GUSB: variants seen among roughly 807,000 people sequenced by gnomAD.
GUSB encodes the protein beta-glucuronidase.
Under a neutral mutation model 74.6 loss-of-function variants are expected in GUSB, and 51 were observed. That is an observed-to-expected ratio of 0.68 (90% CI 0.55 to 0.86). The LOEUF (loss-of-function observed/expected upper bound fraction) is 0.86, where lower values mean the gene tolerates loss of function less well. GUSB is among the 40% of genes least tolerant of loss of function. The pLI, the probability that GUSB is intolerant of heterozygous loss-of-function variation, is 0.00. For missense variants in GUSB, 736 were observed against 853.7 expected (o/e 0.86, Z 1.72); for synonymous variants, 360 against 348.3 (o/e 1.03, Z -0.37).
intron 4 of GUSB, among the ~76,000 whole-genome samples, chr7:65,976,868 G>A (rs1421906769): frequency 6.6e-6 from 1 of 151,954 alleles, no homozygotes; most frequent in Non-Finnish European, 1.5e-5. Context: ...CTTGAGCCAG[G>A]AGTTCGGGGC....
At chr7:65,966,400 G>A (rs544320049) in intron 10 of GUSB, among the ~76,000 whole-genome samples, 56 of 152,056 alleles carry the variant, frequency 3.7e-4, no homozygotes, top group Admixed American at 1.2e-3. Context: ...TGGGAATGAG[G>A]GGCTGGATGG....
In GUSB at chr7:65,975,024, G is replaced by A. The variant is rs1338584824; in HGVS notation, c.960C>T (p.Tyr320=). 12 of 1,613,356 alleles carry A rather than the reference G, an allele frequency of 7.4e-6. No individual in the cohort carries two copies. The highest frequency in any genetic ancestry group is 9.3e-6 in the Non-Finnish European group (11 of 1,179,440). Residue 320 remains tyrosine (Y), a synonymous_variant, in exon 6 of 12, where the codon TAC becomes TAT. Transcript: ENST00000304895. The part of the protein sequence containing the change: ...QTSLGPVSDF[Y]TLPVGIRTVA... ...CAGTGCGGATCCCCACAGGGAGTGT[G>A]TAGAAGTCAGACACAGGCCCCAGTG...
At chr7:65,964,156 A>C (rs1385374179) in intron 11 of GUSB, 167 bp downstream of exon 11, 3 of 734,158 alleles carry the variant, frequency 4.1e-6, no homozygotes, top group Non-Finnish European at 7.4e-6. Flanking sequence ...CTACTTCCTA[A>C]ACACAACTTA....
At chr7:65,966,443 A>G (rs1031074219) in intron 10 of GUSB, among the ~76,000 whole-genome samples, 1 of 152,042 alleles carries the variant, frequency 6.6e-6, no homozygotes, top group African/African-American at 2.4e-5. Context: ...AAAAAACCTC[A>G]CAAGACAAAC....
At chr7:65,981,950 C>A (rs1243018505) in intron 1 of GUSB, 24 bp downstream of exon 1, 8 of 1,591,656 alleles carry the variant, frequency 5.0e-6, no homozygotes, top group Non-Finnish European at 6.0e-6. Flanking sequence ...TCGGGCGCCT[C>A]CCGGCCCTGC....
chr7:65,963,926 T>C (rs1352526365), intron 11 of GUSB, among the ~76,000 whole-genome samples: 2 of 152,226 alleles, frequency 1.3e-5, no homozygotes, highest in Admixed American at 6.5e-5. Context: ...GCAAGTAATA[T>C]ACAACAGACT....
chr7:65,980,875 C>T (rs1306385706), intron 1 of GUSB: 6 of 231,588 alleles, frequency 2.6e-5, no homozygotes, highest in East Asian at 1.0e-4. Context: ...AGGCAAAAGC[C>T]GCCCAGACCT....
At chr7:65,978,635 G>A (rs1235978830) in intron 4 of GUSB, among the ~76,000 whole-genome samples, 2 of 151,054 alleles carry the variant, frequency 1.3e-5, no homozygotes, top group African/African-American at 4.9e-5. Context: ...AGCCGGGCGT[G>A]GTGGCGGGTG....
At chr7:65,962,866 G>A (rs1302123541) in intron 11 of GUSB, among the ~76,000 whole-genome samples, 3 of 131,942 alleles carry the variant, frequency 2.3e-5, no homozygotes, top group East Asian at 2.5e-4. Context: ...GCAAAACTCC[G>A]TCTCAAAAAA....
chr7:65,966,953 G>C (rs1370937490), intron 10 of GUSB, among the ~76,000 whole-genome samples: 1 of 152,122 alleles, frequency 6.6e-6, no homozygotes, highest in Non-Finnish European at 1.5e-5. Flanking sequence ...ATTTTAGTTG[G>C]TGATTATGGT....
intron 8 of GUSB, among the ~76,000 whole-genome samples, chr7:65,972,982 T>C (rs1025835665): frequency 6.6e-6 from 1 of 152,230 alleles, no homozygotes; most frequent in African/African-American, 2.4e-5. Flanking sequence ...CTCCTGCTTC[T>C]ACCCCAAGTG....
At chr7:65,980,185 G>GAT in intron 2 of GUSB, 39 bp downstream of exon 2, 1 of 725,274 alleles carries the variant, frequency 1.4e-6, no homozygotes, top group Non-Finnish European at 2.4e-6. Flanking sequence ...CAGCAGCCGT[G>GAT]CCCCCCCACC....
chr7:65,964,192 A>T (rs1027249492), intron 11 of GUSB, 131 bp downstream of exon 11: 2 of 892,840 alleles, frequency 2.2e-6, no homozygotes, highest in Non-Finnish European at 3.8e-6. Context: ...TCTCAACGCA[A>T]CCTACATGGA....
intron 11 of GUSB, among the ~76,000 whole-genome samples, chr7:65,963,696 C>T (rs958746446): frequency 6.6e-6 from 1 of 152,212 alleles, no homozygotes; most frequent in Non-Finnish European, 1.5e-5. Flanking sequence ...CAGGCACACA[C>T]CACCACGCCT....
Position 65,967,920 on chromosome 7 carries a change from C to T in GUSB, c.1477-13G>A. 3 of 1,597,904 alleles carry T rather than the reference C, an allele frequency of 1.9e-6. No individual in the cohort carries two copies. The highest frequency in any genetic ancestry group is 2.5e-6 in the Non-Finnish European group (3 of 1,178,230). On this transcript the variant is annotated splice_polypyrimidine_tract_variant and intron_variant, in intron 9 of 11. Coordinates refer to ENST00000304895, the MANE Select transcript of GUSB (RefSeq NM_000181.4). ...CCACATACGGAGCCTAGGACCAGAG[C>T]AGCAGAGCCCGTTCAGCACTCAGTA...
At chr7:65,980,029 C>A in intron 2 of GUSB, 118 bp from the exon 3 acceptor site, 1 of 990,966 alleles carries the variant, frequency 1.0e-6, no homozygotes. Context: ...TCCAGCCAGA[C>A]GGGAAGAATG....
chr7:65,982,094 G>C lies in GUSB; in HGVS notation c.90C>G (p.Pro30=). The C allele has an allele frequency of 6.2e-7, 1 of 1,601,816 alleles. No homozygotes were observed. Among genetic ancestry groups the C allele is most frequent in the South Asian group, 1.1e-5 (1 of 89,656 alleles). The change falls in exon 1 of 12, where the codon CCC becomes CCG. Residue 30 remains proline, a synonymous_variant. Transcript: ENST00000304895. ...TGCACTCCCGCGACGGGCTCTCCTGGGGGTACAGCATCCCGCCCTGCAGCC... is the reference window on the plus strand; with the variant it reads ...TGCACTCCCGCGACGGGCTCTCCTGCGGGTACAGCATCCCGCCCTGCAGCC... The part of the protein sequence containing the change: ...ALGLQGGMLY[P]QESPSRECKE...
intron 2 of GUSB, 40 bp downstream of exon 2, chr7:65,980,184 T>TCCTCC: frequency 1.4e-6 from 1 of 720,098 alleles, no homozygotes; most frequent in Non-Finnish European, 2.5e-6. Flanking sequence ...TCAGCAGCCG[T>TCCTCC]GCCCCCCCAC....
chr7:65,980,354 T>C lies in GUSB; in HGVS notation c.266A>G (p.Asp89Gly), dbSNP rs398123236. ...GCCGACAAAATGCCGCAGACGCCAG[T>C]CCTGGCTGATGTCATTGAAGCTGGA... ...VPSSFNDISQ[D>G]WRLRHFVGWV... Residue 89 changes from aspartate (D) to glycine (G), a missense_variant, in exon 2 of 12, where the codon GAC becomes GGC. Physicochemically the swap from Asp to Gly is moderately conservative, Grantham distance 94. Around this residue, in one of 2 missense-constraint regions of GUSB, gnomAD observed 368 missense variants for 363.8 expected, o/e 1.01. Transcript: ENST00000304895. The C allele has an allele frequency of 2.5e-6, 4 of 1,613,830 alleles. No individual in the cohort carries two copies. Among genetic ancestry groups the C allele is most frequent in the Non-Finnish European group, 3.4e-6 (4 of 1,179,950 alleles).
Sources: gnomAD v4.1 joint callset for allele counts (sites outside exome capture counted in the v4.1 genomes callset) on GRCh38, gnomAD v4.1.1 for gene constraint, gnomAD v4.1.1 regional missense constraint, MANE v1.5 for transcripts, NCBI Gene and HGNC (gene_info 2026-07-23, HGNC 2026-07-21) for gene names.